CPPED1: variants seen among roughly 807,000 people sequenced by gnomAD.
CPPED1 encodes calcineurin like phosphoesterase domain containing 1.
In CPPED1, 28 loss-of-function variants were observed where a neutral mutation model predicts 28.0. That is an observed-to-expected ratio of 1.00 (90% CI 0.74 to 1.37). The LOEUF (loss-of-function observed/expected upper bound fraction) is 1.37, where lower values mean the gene tolerates loss of function less well. Among genes scored for constraint, CPPED1 ranks in the 40% most tolerant of loss-of-function variants. The pLI, the probability that CPPED1 is intolerant of heterozygous loss-of-function variation, is 0.00. For missense variants in CPPED1, 504 were observed against 416.5 expected, an observed-to-expected ratio of 1.21 and a Z score of -1.83; for synonymous variants, 198 against 180.2, an observed-to-expected ratio of 1.10 and a Z score of -0.79.
At chr16:12,678,750 T>A (rs1020238856) in intron 3 of CPPED1, among the ~76,000 whole-genome samples, 1 of 152,212 alleles carries the variant, frequency 6.6e-6, no homozygotes, top group African/African-American at 2.4e-5. Flanking sequence ...TCCTGAGACC[T>A]TGCTAAATTC....
intron 2 of CPPED1, among the ~76,000 whole-genome samples, chr16:12,767,456 C>A (rs1386320961): frequency 6.6e-6 from 1 of 152,180 alleles, no homozygotes; most frequent in Non-Finnish European, 1.5e-5. Context: ...CCTCCTAGCC[C>A]AGCCAGGCAG....
chr16:12,797,294 T>C (rs564177737), intron 1 of CPPED1, among the ~76,000 whole-genome samples: 8 of 152,340 alleles, frequency 5.3e-5, no homozygotes, highest in African/African-American at 1.9e-4. Flanking sequence ...CTCATGCCTG[T>C]AATCCCAGCA....
rs764263350 is a variant in CPPED1 at position 12,659,857 on chromosome 16, C to G, written c.*5029G>C. On this transcript the variant is annotated 3_prime_UTR_variant, in exon 4 of 4. Transcript: ENST00000381774. ...CAGTTCCGCATGGCTGGGGAGGCCT[C>G]AGGAAACTTACAATCCTGGTGGAAG... 4 of 152,510 alleles carry G rather than the reference C, an allele frequency of 2.6e-5. No homozygotes were observed. The highest frequency in any genetic ancestry group is 5.9e-5 in the Non-Finnish European group (4 of 68,348). The allele number at this position is 152,510 out of a possible 1,614,324, so 9.4% of individuals were successfully genotyped here.
chr16:12,690,955 T>A (rs1194751771), intron 3 of CPPED1, among the ~76,000 whole-genome samples: 1 of 152,102 alleles, frequency 6.6e-6, no homozygotes, highest in Non-Finnish European at 1.5e-5. Flanking sequence ...GGCAGGAGGG[T>A]GAGCAGGTGG....
chr16:12,701,338 AT>A (rs2080019588), intron 3 of CPPED1, among the ~76,000 whole-genome samples: 1 of 151,988 alleles, frequency 6.6e-6, no homozygotes, highest in Non-Finnish European at 1.5e-5. Flanking sequence ...GTTCAAGACC[AT>A]CCTGGCCAAC....
chr16:12,793,310 G>A (rs2080607603), intron 1 of CPPED1, among the ~76,000 whole-genome samples: 2 of 152,208 alleles, frequency 1.3e-5, no homozygotes, highest in East Asian at 1.9e-4. Context: ...GTGGAGACGC[G>A]CTCCAGGGAG....
At chr16:12,779,225 T>C (rs952040315) in intron 2 of CPPED1, among the ~76,000 whole-genome samples, 3 of 152,090 alleles carry the variant, frequency 2.0e-5, no homozygotes, top group Non-Finnish European at 4.4e-5. Flanking sequence ...TTTCTTCTTC[T>C]TTTTTCTTAG....
chr16:12,707,492 C>G (rs1161123571), intron 2 of CPPED1, among the ~76,000 whole-genome samples: 1 of 152,108 alleles, frequency 6.6e-6, no homozygotes, highest in Non-Finnish European at 1.5e-5. Flanking sequence ...CCTGGCTGCC[C>G]TGAGACACAG....
At chr16:12,675,067 A>G (rs561025380) in intron 3 of CPPED1, among the ~76,000 whole-genome samples, 8 of 152,348 alleles carry the variant, frequency 5.3e-5, no homozygotes, top group African/African-American at 1.9e-4. Flanking sequence ...ACAAGGACCT[A>G]TAAGAAGTTT....
chr16:12,665,726 G>C (rs903845565), intron 3 of CPPED1, among the ~76,000 whole-genome samples: 5 of 152,166 alleles, frequency 3.3e-5, no homozygotes, highest in Admixed American at 2.0e-4. Context: ...TCAGGAGTTT[G>C]AGACCAGCGT....
At chr16:12,768,737 TAC>T (rs1457905869) in intron 2 of CPPED1, among the ~76,000 whole-genome samples, 1 of 152,222 alleles carries the variant, frequency 6.6e-6, no homozygotes, top group Non-Finnish European at 1.5e-5. Context: ...TAGTAGAAAT[TAC>T]AGAGGTATTA....
intron 2 of CPPED1, among the ~76,000 whole-genome samples, chr16:12,720,836 T>G (rs936084262): frequency 1.3e-5 from 2 of 152,234 alleles, no homozygotes; most frequent in Non-Finnish European, 2.9e-5. Context: ...TCAACACAAA[T>G]AAACAAAATT....
At chr16:12,724,855 C>A (rs549581470) in intron 2 of CPPED1, among the ~76,000 whole-genome samples, 1 of 152,036 alleles carries the variant, frequency 6.6e-6, no homozygotes, top group Non-Finnish European at 1.5e-5. Context: ...GGCGTGATCT[C>A]GGCTCACCGC....
chr16:12,702,632 A>T (rs1227809544), intron 3 of CPPED1, among the ~76,000 whole-genome samples: 1 of 152,142 alleles, frequency 6.6e-6, no homozygotes, highest in Non-Finnish European at 1.5e-5. Flanking sequence ...ACAGAACTAC[A>T]TACCACTCAG....
chr16:12,751,944 C>T (rs2080332142), intron 2 of CPPED1, among the ~76,000 whole-genome samples: 1 of 152,142 alleles, frequency 6.6e-6, no homozygotes, highest in African/African-American at 2.4e-5. Context: ...TGAGAAATGT[C>T]TGTGCTAGGA....
intron 3 of CPPED1, among the ~76,000 whole-genome samples, chr16:12,690,744 G>T (rs1039816147): frequency 6.6e-6 from 1 of 151,256 alleles, no homozygotes; most frequent in Non-Finnish European, 1.5e-5. Flanking sequence ...ATGAACGGAT[G>T]AACGGAGAGG....
At chr16:12,733,081 C>CTT (rs2080207700) in intron 2 of CPPED1, among the ~76,000 whole-genome samples, 1 of 152,128 alleles carries the variant, frequency 6.6e-6, no homozygotes, top group Non-Finnish European at 1.5e-5. Flanking sequence ...TAAGCTCAGA[C>CTT]TTTTGGAAGA....
At chr16:12,752,689 T>A (rs1428504231) in intron 2 of CPPED1, among the ~76,000 whole-genome samples, 6 of 147,302 alleles carry the variant, frequency 4.1e-5, no homozygotes, top group African/African-American at 1.2e-4. Flanking sequence ...ATATATAAAA[T>A]CTTGCAAACT....
intron 3 of CPPED1, among the ~76,000 whole-genome samples, chr16:12,695,402 C>A (rs1432458384): frequency 1.3e-5 from 2 of 151,376 alleles, no homozygotes; most frequent in Non-Finnish European, 2.9e-5. Flanking sequence ...GTAGCTGAGA[C>A]CACAGGTGCA....
Sources: gnomAD v4.1 joint callset for allele counts (sites outside exome capture counted in the v4.1 genomes callset) on GRCh38, gnomAD v4.1.1 for gene constraint, MANE v1.5 for transcripts, NCBI Gene and HGNC (gene_info 2026-07-23, HGNC 2026-07-21) for gene names.